AKR1B1: variants seen among roughly 807,000 people sequenced by gnomAD.
AKR1B1 encodes the protein aldo-keto reductase family 1 member B1.
A neutral mutation model predicts 40.4 loss-of-function variants in AKR1B1; 22 were observed. That is an observed-to-expected ratio of 0.54 (90% CI 0.39 to 0.78). AKR1B1 has a LOEUF of 0.78. AKR1B1 is among the 30% of genes least tolerant of loss of function. The pLI is 0.00. For missense variants in AKR1B1, 357 were observed against 396.7 expected (o/e 0.90, Z 0.85); for synonymous variants, 157 against 149.9 (o/e 1.05, Z -0.35).
intron 9 of AKR1B1, among the ~76,000 whole-genome samples, chr7:134,443,586 G>A (rs1368780103): frequency 6.6e-6 from 1 of 151,400 alleles, no homozygotes; most frequent in Non-Finnish European, 1.5e-5. Context: ...GCACAGGGCA[G>A]GGAGCACATG....
At position 134,458,987 on chromosome 7, in the gene AKR1B1, G is replaced by A. The variant is rs760351812; in HGVS notation, c.66+10C>T. 7.2e-5 allele frequency: 115 copies of A among 1,603,994 alleles called. No homozygotes were observed. Among genetic ancestry groups the A allele is most frequent in the Middle Eastern group, 5.0e-4 (3 of 5,990 alleles). ...GCGAGCCCCGGGCCCGCGCCCCCAC[G>A]AGCACCTACCTTCCAGGTACCCAAC... On this transcript the variant is annotated intron_variant, in intron 1 of 9. Transcript: ENST00000285930.
At position 134,449,682 on chromosome 7, in the gene AKR1B1, C is replaced by G; in HGVS notation, c.429+38G>C. 2.0e-6 allele frequency: 3 copies of G among 1,503,246 alleles called. No homozygotes were observed. The South Asian group carries it at 3.4e-5, about 17-fold the overall frequency. 93.1% of individuals were successfully genotyped at this position (1,503,246 alleles called of 1,614,324 possible). ...ATTGCTTCTAAGAAGAAGAGGGAACCAGTCACGAAAACAAGGTCCAACCAG... is the reference window on the plus strand; with the variant it reads ...ATTGCTTCTAAGAAGAAGAGGGAACGAGTCACGAAAACAAGGTCCAACCAG... On this transcript the variant is annotated intron_variant, in intron 4 of 9. Coordinates refer to ENST00000285930, the MANE Select transcript of AKR1B1 (RefSeq NM_001628.4).
intron 5 of AKR1B1, 118 bp from the exon 6 acceptor site, chr7:134,448,611 A>C (rs1261174801): frequency 1.3e-6 from 1 of 782,756 alleles, no homozygotes; most frequent in Non-Finnish European, 2.2e-6. Context: ...ATGTATAACA[A>C]ACACCCTATT....
rs1021663835 is a variant in AKR1B1 at position 134,447,709 on chromosome 7, T to C, written c.741+271A>G. 6 of 613,584 alleles carry C rather than the reference T, an allele frequency of 9.8e-6. No homozygotes were observed. In the African/African-American group the frequency reaches 1.1e-4, roughly 11 times the overall value. 38.0% of individuals were successfully genotyped at this position (613,584 alleles called of 1,614,324 possible). A position where few individuals can be genotyped will look rare whatever the true frequency, so the allele number is the denominator to read the frequency against. Reference sequence around the variant, plus strand: ...CCCTGCACGGCTAAGAGCTCTTACATTTGTACAGATGAGGTTCCACATGAA... The same window carrying C: ...CCCTGCACGGCTAAGAGCTCTTACACTTGTACAGATGAGGTTCCACATGAA... On this transcript the variant is annotated intron_variant, in intron 7 of 9. Coordinates refer to ENST00000285930, the MANE Select transcript of AKR1B1 (RefSeq NM_001628.4).
chr7:134,443,179 G>C (rs1275488475), intron 9 of AKR1B1, among the ~76,000 whole-genome samples: 1 of 152,246 alleles, frequency 6.6e-6, no homozygotes. Context: ...CCAGGCTGAA[G>C]CGAGAGGATC....
chr7:134,456,261 G>A (rs1020126416), intron 1 of AKR1B1, among the ~76,000 whole-genome samples: 2 of 151,884 alleles, frequency 1.3e-5, no homozygotes, highest in Non-Finnish European at 1.5e-5. Flanking sequence ...GTGCAGTGGC[G>A]GGACCTCGGC....
chr7:134,449,346 G>T, intron 4 of AKR1B1: 1 of 611,078 alleles, frequency 1.6e-6, no homozygotes, highest in Non-Finnish European at 2.9e-6. Flanking sequence ...CAGCACTTTG[G>T]GAGGCTGAGG....
chr7:134,459,151 G>C, upstream of AKR1B1: 1 of 1,474,616 alleles, frequency 6.8e-7, no homozygotes, highest in East Asian at 2.5e-5. Context: ...TCGGCAGAAA[G>C]GGCGCCTGCG....
At position 134,459,086 on chromosome 7, in the gene AKR1B1, C is replaced by A. The variant is rs529543767; in HGVS notation, c.-24G>T. 1.3e-5 allele frequency: 20 copies of A among 1,593,784 alleles called. No homozygotes were observed. The highest frequency in any genetic ancestry group is 4.6e-5 in the East Asian group (2 of 43,780). ...ATGGCTGCTGCGCTCCCCAGACCCC[C>A]GCCCAGTACGGTGCGGCCTTGGCCG... is the stretch of plus-strand genomic sequence containing the variant. On this transcript the variant is annotated 5_prime_UTR_variant, in exon 1 of 10. Coordinates refer to ENST00000285930, the MANE Select transcript of AKR1B1 (RefSeq NM_001628.4).
chr7:134,449,928 T>C (rs1020660618), intron 3 of AKR1B1, 131 bp from the exon 4 acceptor site: 7 of 798,726 alleles, frequency 8.8e-6, no homozygotes, highest in Middle Eastern at 4.4e-4. Flanking sequence ...TGTGCCACTA[T>C]GAAAAGGAAA....
intron 1 of AKR1B1, among the ~76,000 whole-genome samples, chr7:134,457,809 T>G (rs1806517430): frequency 6.6e-6 from 1 of 152,068 alleles, no homozygotes; most frequent in African/African-American, 2.4e-5. Context: ...GAGATCACCC[T>G]AAGCAACAAG....
chr7:134,449,273 G>T, intron 4 of AKR1B1, 154 bp from the exon 5 acceptor site: 2 of 1,152,980 alleles, frequency 1.7e-6, no homozygotes, highest in Non-Finnish European at 2.6e-6. Context: ...ACGAAAGCCA[G>T]GCTGGCTTTA....
In AKR1B1 at chr7:134,442,690, G is replaced by A; in HGVS notation, c.*38C>T. 6.2e-7 allele frequency: 1 copy of A among 1,608,400 alleles called. No homozygotes were observed. ...GGAAAAAAATGAGGCAAGAAACACA[G>A]GTATAGGTCACTTGGGGACGAGCAG... On this transcript the variant is annotated 3_prime_UTR_variant, in exon 10 of 10. Transcript: ENST00000285930.
rs767183202 is a variant in AKR1B1 at position 134,450,857 on chromosome 7, G to A, written c.280C>T (p.Gln94Ter). 3.1e-6 allele frequency: 5 copies of A among 1,614,036 alleles called. No individual in the cohort carries two copies. The highest frequency in any genetic ancestry group is 4.2e-6 in the Non-Finnish European group (5 of 1,180,016). The change falls in exon 3 of 10, where the codon CAG (glutamine) becomes TAG (stop). Residue 94 changes from glutamine to a stop codon, truncating the protein, a stop_gained. Transcript: ENST00000285930. LOFTEE classifies it high-confidence loss of function. ...HEKGLVKGAC[Q>*]KTLSDLKLDY... ...AGCTTCAGGTCGCTGAGTGTCTTCT[G>A]GCAGGCTCCTTTCACCAGGCCCTTC...
rs762426984 is a variant in AKR1B1 at position 134,445,311 on chromosome 7, A to T, written c.835T>A (p.Phe279Ile). The change falls in exon 9 of 10, where the codon TTT becomes ATT. Residue 279 changes from phenylalanine to isoleucine, a missense_variant. Phe to Ile is a conservative substitution (Grantham distance 21). Coordinates refer to ENST00000285930, the MANE Select transcript of AKR1B1 (RefSeq NM_001628.4). Reference protein sequence around the residue: ...RIAENFKVFDFELSSQDMTTL... With the variant: ...RIAENFKVFDIELSSQDMTTL... ...GTCATATCCTGGCTGCTCAGTTCAA[A>T]GTCAAAGACCTAAAAAACAAACAAA... The T allele has an allele frequency of 1.2e-6, 2 of 1,612,814 alleles. No individual in the cohort carries two copies. Among genetic ancestry groups the T allele is most frequent in the South Asian group, 2.2e-5 (2 of 90,510 alleles).
At chr7:134,458,480 G>A (rs1806559350) in intron 1 of AKR1B1, among the ~76,000 whole-genome samples, 1 of 152,264 alleles carries the variant, frequency 6.6e-6, no homozygotes, top group South Asian at 2.1e-4. Flanking sequence ...ATTCCTCAGG[G>A]AGGGCAAGAA....
intron 2 of AKR1B1, chr7:134,451,175 CT>C (rs1478882121): frequency 1.8e-6 from 1 of 568,078 alleles, no homozygotes; most frequent in African/African-American, 1.9e-5. Flanking sequence ...ACTCTCGAAA[CT>C]TTCCCCCCGG....
rs1805965737 is a variant in AKR1B1, at chr7:134,442,440, G to A, written c.*288C>T. On this transcript the variant is annotated 3_prime_UTR_variant, in exon 10 of 10. Transcript: ENST00000285930. ...AAGCAGTCAAAACTCAACCGTTAGTGGCACTATTTTGACCTGGTAGATTTT... is the reference window on the plus strand; with the variant it reads ...AAGCAGTCAAAACTCAACCGTTAGTAGCACTATTTTGACCTGGTAGATTTT... The A allele has an allele frequency of 6.1e-6, 2 of 328,630 alleles. No homozygotes were observed. The highest frequency in any genetic ancestry group is 5.6e-6 in the Non-Finnish European group (1 of 177,862). The allele number at this position is 328,630 out of a possible 1,614,324, so 20.4% of individuals were successfully genotyped here. A position where few individuals can be genotyped will look rare whatever the true frequency, so the allele number is the denominator to read the frequency against.
chr7:134,447,879 G>A, intron 7 of AKR1B1, 101 bp downstream of exon 7: 1 of 1,043,722 alleles, frequency 9.6e-7, no homozygotes, highest in Non-Finnish European at 1.5e-6. Flanking sequence ...CATACTTCCT[G>A]TGAGGGTGTA....
Sources: gnomAD v4.1 joint callset for allele counts (sites outside exome capture counted in the v4.1 genomes callset) on GRCh38, gnomAD v4.1.1 for gene constraint, MANE v1.5 for transcripts, NCBI Gene and HGNC (gene_info 2026-07-23, HGNC 2026-07-21) for gene names.